NLN: variants seen among roughly 807,000 people sequenced by gnomAD.
NLN encodes the protein neurolysin, mitochondrial.
Under a neutral mutation model 79.9 loss-of-function variants are expected in NLN, and 64 were observed. That is an observed-to-expected ratio of 0.80 (90% CI 0.65 to 0.99). The LOEUF (loss-of-function observed/expected upper bound fraction) is 0.99, where lower values mean the gene tolerates loss of function less well. Among genes scored for constraint, NLN ranks in the 50% least tolerant of loss-of-function variants. The pLI is 0.00. For synonymous variants in NLN, 267 were observed against 296.6 expected, an observed-to-expected ratio of 0.90 and a Z score of 1.02; for missense variants, 835 against 858.7, an observed-to-expected ratio of 0.97 and a Z score of 0.34.
intron 1 of NLN, among the ~76,000 whole-genome samples, chr5:65,739,984 T>C (rs1758836157): frequency 6.6e-6 from 1 of 152,228 alleles, no homozygotes; most frequent in African/African-American, 2.4e-5. Flanking sequence ...TCCTTTGCTG[T>C]GCTTATTAGT....
intron 1 of NLN, among the ~76,000 whole-genome samples, chr5:65,756,506 C>T (rs1045953107): frequency 3.3e-5 from 5 of 152,184 alleles, no homozygotes; most frequent in African/African-American, 9.6e-5. Flanking sequence ...CAACTTCTCT[C>T]TTGAATGATC....
At chr5:65,815,525 A>AT in intron 12 of NLN, among the ~76,000 whole-genome samples, 1 of 152,336 alleles carries the variant, frequency 6.6e-6, no homozygotes, top group African/African-American at 2.4e-5. Context: ...TAGATGTCTT[A>AT]TGCCATAAGG....
rs560876543 is a variant in NLN, at chr5:65,778,345, C to T, written c.558+811C>T. On this transcript the variant is annotated intron_variant, in intron 4 of 12. Coordinates refer to ENST00000380985, the MANE Select transcript of NLN (RefSeq NM_020726.5). ...ATTTATTTCCAGGTCATTCTTCTAG[C>T]CAGCAGGACTGGAAATAAGTTTGGA... Among the ~76,000 whole-genome samples, 6 of 152,276 alleles carry T rather than the reference C, an allele frequency of 3.9e-5. No homozygotes were observed. The East Asian group carries it at 9.6e-4, about 24-fold the overall frequency.
chr5:65,787,932 G>C (rs1436765995), intron 7 of NLN, among the ~76,000 whole-genome samples, 186 bp from the exon 8 acceptor site: 1 of 152,202 alleles, frequency 6.6e-6, no homozygotes, highest in Non-Finnish European at 1.5e-5. Flanking sequence ...GAAGAGCAAA[G>C]TGTGCTTCCA....
Position 65,722,269 on chromosome 5 carries a change from G to T in NLN, c.-105G>T, listed in dbSNP as rs553942617. 166 of 851,352 alleles carry T rather than the reference G, an allele frequency of 1.9e-4. No homozygotes were observed. The African/African-American group carries it at 2.7e-3, about 14-fold the overall frequency. The allele number at this position is 851,352 out of a possible 1,614,324, so 52.7% of individuals were successfully genotyped here. A position where few individuals can be genotyped will look rare whatever the true frequency, so the allele number is the denominator to read the frequency against. The stretch of plus-strand genomic sequence containing the variant: ...GCCAGGCAGCCACTGTGGCCTCTGC[G>T]GCTAGGCCGGCTCGAGACTCCCGGG... On this transcript the variant is annotated 5_prime_UTR_variant, in exon 1 of 13. Coordinates refer to ENST00000380985, the MANE Select transcript of NLN (RefSeq NM_020726.5).
Position 65,781,433 on chromosome 5 carries a change from G to A in NLN, c.822+12G>A. 3 of 1,578,086 alleles carry A rather than the reference G, an allele frequency of 1.9e-6. No individual in the cohort carries two copies. The highest frequency in any genetic ancestry group is 1.1e-5 in the South Asian group (1 of 88,026). The stretch of plus-strand genomic sequence containing the variant: ...CAAGGTGCAAAGAGGTATTATAAAT[G>A]TTTGTCTTTCTTTTGTTTTTAATGG... On this transcript the variant is annotated intron_variant, in intron 6 of 12. Coordinates refer to ENST00000380985, the MANE Select transcript of NLN (RefSeq NM_020726.5).
intron 3 of NLN, among the ~76,000 whole-genome samples, chr5:65,768,369 T>G (rs1016334183): frequency 6.6e-6 from 1 of 152,110 alleles, no homozygotes; most frequent in African/African-American, 2.4e-5. Context: ...AGGGGAAGCA[T>G]TAGACACTTA....
At chr5:65,732,385 G>T (rs57845038) in intron 1 of NLN, among the ~76,000 whole-genome samples, 8,429 of 124,968 alleles carry the variant, frequency 0.067, 2,059 homozygotes, top group African/African-American at 0.24. Flanking sequence ...AAGTGTGTTT[G>T]AAGTTAATAT....
chr5:65,741,178 A>G (rs1021817033), intron 1 of NLN, among the ~76,000 whole-genome samples: 1 of 152,148 alleles, frequency 6.6e-6, no homozygotes, highest in Admixed American at 6.5e-5. Flanking sequence ...GGCCTTTGTA[A>G]TAAGTTTTGA....
intron 6 of NLN, 109 bp from the exon 7 acceptor site, chr5:65,785,666 A>G (rs973171955): frequency 1.6e-5 from 14 of 876,650 alleles, no homozygotes; most frequent in Non-Finnish European, 2.4e-5. Flanking sequence ...TGGTCTAAAA[A>G]TATTTGATAA....
chr5:65,787,435 A>G lies in NLN; in HGVS notation c.959-683A>G, dbSNP rs112693935. Among the ~76,000 whole-genome samples the G allele has an allele frequency of 3.5e-3, 527 of 152,276 alleles. 3 individuals are homozygous for G. The highest frequency in any genetic ancestry group is 0.012 in the African/African-American group (508 of 41,550). On this transcript the variant is annotated intron_variant, in intron 7 of 12. Coordinates refer to ENST00000380985, the MANE Select transcript of NLN (RefSeq NM_020726.5). ...CTCACATTGTGAGGTTGCCTTCTGA[A>G]CTGCCATGTCCTTTGCAGAGCCAGG...
rs1423094950 is a variant in NLN at position 65,827,102 on chromosome 5, CAA to C, written c.*4190_*4191del. On this transcript the variant is annotated 3_prime_UTR_variant, in exon 13 of 13. Transcript: ENST00000380985. ...AGGTTATAAGATGTAAATATTAGAC[CAA>C]AATAGCCTTTTTTAACAAACACAAT... is the stretch of plus-strand genomic sequence containing the variant. The C allele has an allele frequency of 4.0e-5, 6 of 150,984 alleles. No individual in the cohort carries two copies. The highest frequency in any genetic ancestry group is 1.5e-4 in the African/African-American group (6 of 41,020). 9.4% of individuals were successfully genotyped at this position (150,984 alleles called of 1,614,324 possible).
chr5:65,745,664 G>T (rs1304027289), intron 1 of NLN, among the ~76,000 whole-genome samples: 1 of 152,176 alleles, frequency 6.6e-6, no homozygotes, highest in Non-Finnish European at 1.5e-5. Context: ...ATTATGTCTG[G>T]AGCATAGATA....
At chr5:65,726,285 G>C (rs1758469771) in intron 1 of NLN, among the ~76,000 whole-genome samples, 1 of 152,146 alleles carries the variant, frequency 6.6e-6, no homozygotes, top group South Asian at 2.1e-4. Flanking sequence ...CTCAAAGGTA[G>C]AGATTTAATA....
intron 1 of NLN, among the ~76,000 whole-genome samples, chr5:65,743,745 A>C (rs1045384223): frequency 1.3e-5 from 2 of 152,230 alleles, no homozygotes; most frequent in African/African-American, 4.8e-5. Context: ...CCATCATCTT[A>C]ATACATTGTG....
chr5:65,723,814 C>CAAAAAAAAAAAAA (rs760572199), intron 1 of NLN, among the ~76,000 whole-genome samples: 73 of 55,290 alleles, frequency 1.3e-3, no homozygotes, highest in African/African-American at 2.5e-3. Context: ...GACTCCGTCT[C>CAAAAAAAAAAAAA]AAAAAAAAAA....
At chr5:65,798,400 C>T (rs1396596779) in intron 9 of NLN, among the ~76,000 whole-genome samples, 1 of 152,176 alleles carries the variant, frequency 6.6e-6, no homozygotes, top group African/African-American at 2.4e-5. Context: ...TTTGGTCTTC[C>T]AAATGTGTTG....
At chr5:65,753,950 A>T (rs1759159531) in intron 1 of NLN, among the ~76,000 whole-genome samples, 1 of 152,144 alleles carries the variant, frequency 6.6e-6, no homozygotes, top group Admixed American at 6.6e-5. Flanking sequence ...TAAATCCTGA[A>T]CTGAACATCT....
chr5:65,781,337 AC>A lies in NLN; in HGVS notation c.739del (p.His247ThrfsTer6). 1 of 1,600,810 alleles carries A rather than the reference AC, an allele frequency of 6.2e-7. No homozygotes were observed. The highest frequency in any genetic ancestry group is 2.2e-5 in the East Asian group (1 of 44,762). On this transcript the variant is annotated frameshift_variant, in exon 6 of 13. Transcript: ENST00000380985. LOFTEE classifies it high-confidence loss of function. ...AGTATAAAATTACCTTAAAATATCC[AC>A]ACTATTTCCCTGTCATGAAGAAATG... Reference protein sequence around the residue: ...DKYKITLKYPHYFPVMKKCCI... With the variant: ...DKYKITLKYPXYFPVMKKCCI...
Sources: allele counts gnomAD v4.1 joint callset (sites outside exome capture counted in the v4.1 genomes callset), GRCh38; gene constraint gnomAD v4.1.1; transcripts MANE v1.5; gene names NCBI Gene and HGNC (gene_info 2026-07-23, HGNC 2026-07-21).